PDE10A: variants seen among roughly 807,000 people sequenced by gnomAD.
PDE10A encodes cAMP and cAMP-inhibited cGMP 3',5'-cyclic phosphodiesterase 10A.
PDE10A carries 39 observed loss-of-function variants against 97.7 expected under a neutral mutation model. The observed-to-expected ratio is 0.40, with a 90% CI of 0.31 to 0.52. The LOEUF is 0.52. PDE10A is among the 20% of genes least tolerant of loss of function. PDE10A has a pLI of 0.56. For synonymous variants in PDE10A, 371 were observed against 376.8 expected (o/e 0.98, Z 0.18); for missense variants, 731 against 1,047.8 (o/e 0.70, Z 4.17).
intron 18 of PDE10A, among the ~76,000 whole-genome samples, chr6:165,368,694 T>C (rs1783995560): frequency 6.6e-6 from 1 of 152,218 alleles, no homozygotes; most frequent in Non-Finnish European, 1.5e-5. Flanking sequence ...CAGACTTAAA[T>C]GTCCCTGTCT....
intron 1 of PDE10A, among the ~76,000 whole-genome samples, chr6:165,615,457 GT>G (rs1787686599): frequency 6.6e-6 from 1 of 151,932 alleles, no homozygotes; most frequent in Non-Finnish European, 1.5e-5. Context: ...ATTTTTCTAC[GT>G]GTGACAAACA....
At chr6:165,909,502 A>G (rs1196030034) in intron 1 of PDE10A, among the ~76,000 whole-genome samples, 1 of 152,254 alleles carries the variant, frequency 6.6e-6, no homozygotes, top group Non-Finnish European at 1.5e-5. Flanking sequence ...CTGCAGGATA[A>G]TAATTGAAGC....
intron 1 of PDE10A, among the ~76,000 whole-genome samples, chr6:165,811,504 G>C (rs1779282315): frequency 6.6e-6 from 1 of 152,156 alleles, no homozygotes; most frequent in Admixed American, 6.5e-5. Context: ...TGCTTCTTAT[G>C]TCCTTTCTGT....
chr6:165,586,935 T>C (rs1353581907), intron 1 of PDE10A, among the ~76,000 whole-genome samples: 1 of 151,974 alleles, frequency 6.6e-6, no homozygotes, highest in Non-Finnish European at 1.5e-5. Flanking sequence ...TGTCTTAAAA[T>C]CTGAGGGTGG....
At chr6:165,640,901 G>A (rs1288235954) in intron 1 of PDE10A, among the ~76,000 whole-genome samples, 2 of 152,232 alleles carry the variant, frequency 1.3e-5, no homozygotes. Flanking sequence ...GCACCTACCA[G>A]GAAATATTCA....
chr6:165,390,762 T>C (rs1427294440), intron 16 of PDE10A, among the ~76,000 whole-genome samples: 1 of 152,194 alleles, frequency 6.6e-6, no homozygotes, highest in Non-Finnish European at 1.5e-5. Flanking sequence ...GGTACATTTT[T>C]AGCGATATGC....
chr6:165,437,729 G>T (rs1240991081), intron 5 of PDE10A, among the ~76,000 whole-genome samples: 3 of 152,144 alleles, frequency 2.0e-5, no homozygotes, highest in Admixed American at 6.5e-5. Context: ...TCCAGCAGAA[G>T]GGAAAATGAA....
At chr6:165,824,416 G>A (rs976456684) in intron 1 of PDE10A, among the ~76,000 whole-genome samples, 1 of 152,160 alleles carries the variant, frequency 6.6e-6, no homozygotes, top group Non-Finnish European at 1.5e-5. Flanking sequence ...TTTGCTTTGG[G>A]CAACAATTAT....
At chr6:165,683,950 A>G (rs1791047281) in intron 1 of PDE10A, among the ~76,000 whole-genome samples, 2 of 152,168 alleles carry the variant, frequency 1.3e-5, no homozygotes, top group Non-Finnish European at 2.9e-5. Context: ...CAGATATACC[A>G]GGTACTGAGA....
chr6:165,748,328 G>A (rs1005748834), intron 1 of PDE10A, among the ~76,000 whole-genome samples: 1 of 152,218 alleles, frequency 6.6e-6, no homozygotes, highest in Non-Finnish European at 1.5e-5. Flanking sequence ...ACAACCTGTA[G>A]AAAGTATGAA....
intron 18 of PDE10A, among the ~76,000 whole-genome samples, chr6:165,354,949 T>C (rs757917652): frequency 3.1e-5 from 4 of 130,064 alleles, no homozygotes; most frequent in Non-Finnish European, 5.3e-5. Context: ...TGTGTGAATT[T>C]TGAACTCATT....
intron 1 of PDE10A, among the ~76,000 whole-genome samples, chr6:165,598,942 C>CTCTCTTT (rs1491368238): frequency 3.3e-5 from 5 of 152,252 alleles, no homozygotes; most frequent in African/African-American, 1.2e-4. Context: ...CTATGGAATG[C>CTCTCTTT]TCTCTTTTCT....
At position 165,905,981 on chromosome 6, in the gene PDE10A, CTCCTTCCT is replaced by C. The variant is rs1159735811; in HGVS notation, c.-615+81540_-615+81547del. On this transcript the variant is annotated intron_variant, in intron 1 of 19. Transcript: ENST00000366882. ...TTGTTCCTTTTTACCTTCCCTTTTTCTCCTTCCTTCCTTCCTTCCTTCCTTCCTTCCTT... is the reference window on the plus strand; with the variant it reads ...TTGTTCCTTTTTACCTTCCCTTTTTCTCCTTCCTTCCTTCCTTCCTTCCTT... Among the ~76,000 whole-genome samples, 49 of 92,586 alleles carry C rather than the reference CTCCTTCCT, an allele frequency of 5.3e-4. 1 individual carries two copies. Among genetic ancestry groups the C allele is most frequent in the African/African-American group, 9.0e-4 (24 of 26,552 alleles). 60.7% of individuals were successfully genotyped at this position (92,586 alleles called of 152,430 possible).
At chr6:165,723,775 G>C (rs1412500931) in intron 1 of PDE10A, among the ~76,000 whole-genome samples, 1 of 152,052 alleles carries the variant, frequency 6.6e-6, no homozygotes, top group African/African-American at 2.4e-5. Flanking sequence ...CGGACTAGTT[G>C]CCTCCAATTG....
chr6:165,728,140 A>G (rs1325152897), intron 1 of PDE10A, among the ~76,000 whole-genome samples: 1 of 152,120 alleles, frequency 6.6e-6, no homozygotes, highest in Non-Finnish European at 1.5e-5. Context: ...TGAGCACAAT[A>G]TTTTCTGATG....
At chr6:165,752,218 ACTGT>A (rs1793022441) in intron 1 of PDE10A, among the ~76,000 whole-genome samples, 2 of 151,378 alleles carry the variant, frequency 1.3e-5, no homozygotes, top group Non-Finnish European at 2.9e-5. Flanking sequence ...GTGGGTGCGC[ACTGT>A]CTATCAGTTA....
chr6:165,912,069 CTCTATCAATCA>C lies in PDE10A; in HGVS notation c.-615+75449_-615+75459del, dbSNP rs1160773771. On this transcript the variant is annotated intron_variant, in intron 1 of 19. Transcript: ENST00000366882. ...TCTATCTCTATTATCTGTTTATCAT[CTCTATCAATCA>C]TCTATCATCTATAAATCATCTATTA... is the stretch of plus-strand genomic sequence containing the variant. 1.8e-4 allele frequency among the ~76,000 whole-genome samples: 27 copies of C among 152,106 alleles called. No individual in the cohort carries two copies. The South Asian group carries it at 5.2e-3, about 29-fold the overall frequency.
chr6:165,549,386 G>A (rs1485055976), intron 1 of PDE10A, among the ~76,000 whole-genome samples: 2 of 152,106 alleles, frequency 1.3e-5, no homozygotes, highest in Non-Finnish European at 1.5e-5. Flanking sequence ...GTGCAGTGGC[G>A]TGATCTCGGC....
At chr6:165,440,585 C>T (rs984903443) in intron 5 of PDE10A, among the ~76,000 whole-genome samples, 5 of 152,088 alleles carry the variant, frequency 3.3e-5, no homozygotes, top group African/African-American at 7.2e-5. Flanking sequence ...TGTGTGAACT[C>T]GGACAGTCAT....
Sources: allele counts gnomAD v4.1 joint callset (sites outside exome capture counted in the v4.1 genomes callset), GRCh38; gene constraint gnomAD v4.1.1; transcripts MANE v1.5; gene names NCBI Gene and HGNC (gene_info 2026-07-23, HGNC 2026-07-21).